CMIP: variants seen among roughly 807,000 people sequenced by gnomAD.
CMIP encodes C-Maf-inducing protein.
CMIP carries 13 observed loss-of-function variants against 97.3 expected under a neutral mutation model. The observed-to-expected ratio is 0.13, with a 90% CI of 0.09 to 0.21. The LOEUF (loss-of-function observed/expected upper bound fraction) is 0.21, where lower values mean the gene tolerates loss of function less well. Ranked by LOEUF, CMIP falls within the 10% of genes least tolerant of loss-of-function variation. The pLI is 1.00. For missense variants in CMIP, 847 were observed against 1,024.9 expected, an observed-to-expected ratio of 0.83 and a Z score of 2.37; for synonymous variants, 538 against 436.3, an observed-to-expected ratio of 1.23 and a Z score of -2.91.
chr16:81,695,871 T>C (rs1906657014), intron 13 of CMIP: 1 of 151,708 alleles, frequency 6.6e-6, no homozygotes, highest in African/African-American at 2.4e-5. Context: ...GGGAAGGAAG[T>C]GGGGATGAGA....
At chr16:81,475,980 CCTT>C in intron 1 of CMIP, 1 of 498,196 alleles carries the variant, frequency 2.0e-6, no homozygotes, top group Non-Finnish European at 3.7e-6. Flanking sequence ...GAGTGAGACT[CCTT>C]CTCAAAAAAA....
chr16:81,541,174 G>C (rs62046624), intron 1 of CMIP, among the ~76,000 whole-genome samples: 20,742 of 151,954 alleles, frequency 0.14, 1,488 homozygotes, highest in Admixed American at 0.17. Flanking sequence ...CCCCGACCCT[G>C]TTCCTACCCC....
At chr16:81,510,565 AG>A (rs1295467801) in intron 1 of CMIP, among the ~76,000 whole-genome samples, 1 of 152,208 alleles carries the variant, frequency 6.6e-6, no homozygotes, top group African/African-American at 2.4e-5. Flanking sequence ...GCACAAAGCC[AG>A]GATTTAAGTC....
chr16:81,603,339 C>T, intron 1 of CMIP: 2 of 453,306 alleles, frequency 4.4e-6, no homozygotes, highest in Non-Finnish European at 8.8e-6. Flanking sequence ...ACCTTGGCCT[C>T]CCAAAGTGCT....
intron 1 of CMIP, among the ~76,000 whole-genome samples, chr16:81,496,584 A>G (rs531469444): frequency 6.6e-6 from 1 of 152,356 alleles, no homozygotes; most frequent in Non-Finnish European, 1.5e-5. Context: ...AAAGTAGCAA[A>G]GTGGGGTGCG....
At position 81,616,153 on chromosome 16, in the gene CMIP, ATT is replaced by A. The variant is rs11331169; in HGVS notation, c.427-4705_427-4704del. Among the ~76,000 whole-genome samples, 1,326 of 132,574 alleles carry A rather than the reference ATT, an allele frequency of 0.01. 10 individuals are homozygous for A. The highest frequency in any genetic ancestry group is 0.028 in the African/African-American group (1,003 of 35,644). The allele number at this position is 132,574 out of a possible 152,430, so 87.0% of individuals were successfully genotyped here. A position where few individuals can be genotyped will look rare whatever the true frequency, so the allele number is the denominator to read the frequency against. ...ACATGTCATTAATTCATTCAGCTGT[ATT>A]TTTTTTTTTTTTTTTTTAACACCAG... On this transcript the variant is annotated intron_variant, in intron 2 of 20. Coordinates refer to ENST00000537098, the MANE Select transcript of CMIP (RefSeq NM_198390.3). This position sits in a 1 kb window ranked among gnomAD's most constrained non-coding sequence, Gnocchi z 4.7.
At chr16:81,525,686 CA>C (rs1386614241) in intron 1 of CMIP, among the ~76,000 whole-genome samples, 3 of 152,154 alleles carry the variant, frequency 2.0e-5, no homozygotes, top group African/African-American at 7.2e-5. Flanking sequence ...TTCATATTGT[CA>C]TGCGACCATC....
intron 6 of CMIP, among the ~76,000 whole-genome samples, chr16:81,663,097 CA>C (rs5818346): frequency 0.6 from 87,063 of 144,608 alleles, 25,630 homozygotes; most frequent in East Asian, 0.72. Flanking sequence ...TTTTTAACTC[CA>C]AAAAAAAAAA....
intron 3 of CMIP, among the ~76,000 whole-genome samples, chr16:81,638,760 A>G (rs982068159): frequency 1.3e-5 from 2 of 151,974 alleles, no homozygotes; most frequent in Non-Finnish European, 2.9e-5. Flanking sequence ...TGTGGGAATG[A>G]GGGAGGTGCC....
Position 81,667,799 on chromosome 16 carries a change from A to AGAGAGAGAGAGAGAGAGTGT in CMIP, c.826-2342_826-2341insAGAGAGAGAGAGAGAGTGTG. Among the ~76,000 whole-genome samples the AGAGAGAGAGAGAGAGAGTGT allele has an allele frequency of 1.4e-3, 82 of 58,122 alleles. 2 individuals are homozygous for AGAGAGAGAGAGAGAGAGTGT. The highest frequency in any genetic ancestry group is 2.3e-3 in the Non-Finnish European group (73 of 31,276). The allele number at this position is 58,122 out of a possible 152,430, so 38.1% of individuals were successfully genotyped here. A position where few individuals can be genotyped will look rare whatever the true frequency, so the allele number is the denominator to read the frequency against. ...GAGAGAGAGAGAGAGAGAGAGAGAG[A>AGAGAGAGAGAGAGAGAGTGT]GTGTGTGTGTGTGTGTGTGTGTGTG... On this transcript the variant is annotated intron_variant, in intron 7 of 20. Coordinates refer to ENST00000537098, the MANE Select transcript of CMIP (RefSeq NM_198390.3).
chr16:81,658,363 C>A (rs1201769846), intron 5 of CMIP, among the ~76,000 whole-genome samples: 1 of 152,214 alleles, frequency 6.6e-6, no homozygotes, highest in African/African-American at 2.4e-5. Context: ...TGAAATTGCA[C>A]CTGCTAGATG....
At chr16:81,568,981 T>C (rs553223676) in intron 1 of CMIP, among the ~76,000 whole-genome samples, 51 of 152,314 alleles carry the variant, frequency 3.3e-4, no homozygotes, top group African/African-American at 1.1e-3. Flanking sequence ...AACTGTCAGC[T>C]TCTCAAAAAT....
At chr16:81,706,394 G>A (rs1908143245) in intron 19 of CMIP, among the ~76,000 whole-genome samples, 1 of 152,244 alleles carries the variant, frequency 6.6e-6, no homozygotes. Context: ...TGGCTTGGGA[G>A]GAGGTGGGAG....
At chr16:81,510,567 G>A (rs2089791866) in intron 1 of CMIP, among the ~76,000 whole-genome samples, 1 of 152,108 alleles carries the variant, frequency 6.6e-6, no homozygotes, top group Non-Finnish European at 1.5e-5. Flanking sequence ...ACAAAGCCAG[G>A]ATTTAAGTCC....
intron 2 of CMIP, among the ~76,000 whole-genome samples, chr16:81,613,612 G>T (rs2091866540): frequency 1.3e-5 from 2 of 152,334 alleles, no homozygotes; most frequent in South Asian, 4.1e-4. Flanking sequence ...TTAGCACTGT[G>T]CCTGGTACTT....
intron 3 of CMIP, among the ~76,000 whole-genome samples, chr16:81,629,183 G>A (rs1225807278): frequency 3.0e-5 from 4 of 135,294 alleles, no homozygotes; most frequent in African/African-American, 8.2e-5. Flanking sequence ...GTGAATTGAC[G>A]TCTGACTAGG....
intron 1 of CMIP, among the ~76,000 whole-genome samples, chr16:81,584,745 G>C (rs956367192): frequency 6.6e-6 from 1 of 152,160 alleles, no homozygotes; most frequent in Non-Finnish European, 1.5e-5. Context: ...ATGACTTTCT[G>C]TTCTTGAATT....
intron 1 of CMIP, among the ~76,000 whole-genome samples, chr16:81,588,503 A>G (rs1390011405): frequency 6.6e-6 from 1 of 152,130 alleles, no homozygotes; most frequent in Admixed American, 6.6e-5. Context: ...GGAGGCGCTG[A>G]GCAGTAGCCC....
chr16:81,683,610 G>A (rs1461642569), intron 10 of CMIP, among the ~76,000 whole-genome samples: 9 of 151,842 alleles, frequency 5.9e-5, no homozygotes, highest in Non-Finnish European at 1.0e-4. Flanking sequence ...GGCTGGTCTC[G>A]AACTCCTGAC....
Sources: gnomAD v4.1 joint callset for allele counts (sites outside exome capture counted in the v4.1 genomes callset) on GRCh38, gnomAD v4.1.1 for gene constraint, Gnocchi (gnomAD v3.1) non-coding constraint, MANE v1.5 for transcripts, NCBI Gene and HGNC (gene_info 2026-07-23, HGNC 2026-07-21) for gene names.